The following PDE4DIP variants were observed in gnomAD, a reference collection of about 807,000 sequenced individuals.
PDE4DIP encodes the protein phosphodiesterase 4D interacting protein.
PDE4DIP carries 59 observed loss-of-function variants against 221.4 expected under a neutral mutation model. The ratio of observed to expected loss-of-function variants is 0.27; its 90% CI spans 0.22 to 0.33. PDE4DIP has a LOEUF of 0.33. PDE4DIP is among the 10% of genes least tolerant of loss of function. PDE4DIP has a pLI of 1.00. For synonymous variants in PDE4DIP, 404 were observed against 815.9 expected (o/e 0.50, Z 8.60); for missense variants, 1,036 against 2,154.2 (o/e 0.48, Z 10.28).
Position 149,029,774 on chromosome 1 carries a change from T to A in PDE4DIP, c.6814-13T>A, listed in dbSNP as rs1575688261. 57 of 1,303,108 alleles carry A rather than the reference T, an allele frequency of 4.4e-5. No individual in the cohort carries two copies. In the East Asian group the frequency reaches 1.3e-3, roughly 30 times the overall value. The allele number at this position is 1,303,108 out of a possible 1,614,324, so 80.7% of individuals were successfully genotyped here. On this transcript the variant is annotated splice_polypyrimidine_tract_variant and intron_variant, in intron 41 of 43. Transcript: ENST00000369354. ...TTCTGCCTGGTCAGTAAGAGTCTGT[T>A]CCTCTTATCCAGGGAGAATCAACAG...
At chr1:148,937,312 G>A (rs1452214507) in intron 4 of PDE4DIP, among the ~76,000 whole-genome samples, 2 of 152,186 alleles carry the variant, frequency 1.3e-5, no homozygotes, top group African/African-American at 4.8e-5. Context: ...ACACATGCTG[G>A]TGGAATTTAA....
At chr1:149,000,277 G>C (rs2065298569) in intron 23 of PDE4DIP, among the ~76,000 whole-genome samples, 1 of 152,186 alleles carries the variant, frequency 6.6e-6, no homozygotes, top group Admixed American at 6.5e-5. Flanking sequence ...CCTGTGGACT[G>C]GGCATGGTGG....
At chr1:148,876,939 A>G (rs1691655524) in intron 3 of PDE4DIP, among the ~76,000 whole-genome samples, 1 of 139,982 alleles carries the variant, frequency 7.1e-6, no homozygotes, top group Non-Finnish European at 1.5e-5. Context: ...GCTTGAACCC[A>G]GGAGGCAGAG....
intron 10 of PDE4DIP, 90 bp from the exon 14 acceptor site, chr1:148,966,453 G>GTT: frequency 5.4e-5 from 28 of 521,702 alleles, no homozygotes; most frequent in South Asian, 6.8e-5. Context: ...ATCACATCTT[G>GTT]TTTTTTTTTT....
chr1:148,968,698 A>G, intron 13 of PDE4DIP, 138 bp from the exon 17 acceptor site: 1 of 617,600 alleles, frequency 1.6e-6, no homozygotes, highest in Non-Finnish European at 2.8e-6. Context: ...ATCTGGTAAA[A>G]CAAAAATGAG....
At chr1:149,025,453 C>G (rs2074876393) in intron 38 of PDE4DIP, among the ~76,000 whole-genome samples, 1 of 152,102 alleles carries the variant, frequency 6.6e-6, no homozygotes, top group African/African-American at 2.4e-5. Flanking sequence ...CTTTCTCTAC[C>G]CCACCCCTTG....
At chr1:148,930,427 G>C in intron 2 of PDE4DIP, 1 of 150,348 alleles carries the variant, frequency 6.7e-6, no homozygotes, top group Non-Finnish European at 1.5e-5. Flanking sequence ...TGAGGCAGGA[G>C]AATGGCGTGA....
intron 32 of PDE4DIP, 152 bp downstream of exon 35, chr1:149,012,928 G>C: frequency 5.6e-6 from 3 of 537,096 alleles, no homozygotes; most frequent in Non-Finnish European, 9.8e-6. Context: ...TTATTTTTTG[G>C]AAATGTATTT....
intron 12 of PDE4DIP, among the ~76,000 whole-genome samples, chr1:148,967,395 A>G (rs1479291244): frequency 1.3e-5 from 2 of 150,886 alleles, no homozygotes; most frequent in African/African-American, 4.8e-5. Flanking sequence ...ACACTTGTTT[A>G]TCTATATTTA....
chr1:148,907,066 A>C (rs2477085), intron 1 of PDE4DIP, among the ~76,000 whole-genome samples: 14 of 151,342 alleles, frequency 9.3e-5, no homozygotes, highest in Non-Finnish European at 1.3e-4. Flanking sequence ...ACCAAAAAAA[A>C]CAAAAAAACA....
chr1:148,963,143 T>C (rs1621315), intron 9 of PDE4DIP, among the ~76,000 whole-genome samples: 13 of 152,240 alleles, frequency 8.5e-5, no homozygotes, highest in South Asian at 2.1e-4. Flanking sequence ...CTGCCCACCT[T>C]GGCCTCCCTC....
intron 32 of PDE4DIP, among the ~76,000 whole-genome samples, chr1:149,014,028 T>C (rs1157465603): frequency 2.6e-5 from 4 of 152,080 alleles, no homozygotes; most frequent in African/African-American, 7.2e-5. Flanking sequence ...GCTCAAGTGA[T>C]TGGCCCACCT....
At chr1:148,953,167 C>A in intron 5 of PDE4DIP, 2 of 1,614,034 alleles carry the variant, frequency 1.2e-6, no homozygotes, top group Non-Finnish European at 1.7e-6. Context: ...CTGCACTGCT[C>A]CAGGAGGACT....
rs1227053940 is a variant in PDE4DIP, at chr1:148,902,806, T to C, written c.141+12912T>C. 9.9e-5 allele frequency among the ~76,000 whole-genome samples: 11 copies of C among 110,784 alleles called. 2 individuals carry two copies. The highest frequency in any genetic ancestry group is 5.7e-4 in the Admixed American group (6 of 10,582). 72.7% of individuals were successfully genotyped at this position (110,784 alleles called of 152,430 possible). A position where few individuals can be genotyped will look rare whatever the true frequency, so the allele number is the denominator to read the frequency against. On this transcript the variant is annotated intron_variant, in intron 1 of 43. Transcript: ENST00000369354. The stretch of plus-strand genomic sequence containing the variant: ...CACAGTTTCTTTATCCACTCATTGA[T>C]TGGTGGGCACTTGGGTTGGTTCCAC...
rs1178036027 is a variant in PDE4DIP at position 148,961,375 on chromosome 1, T to G, written c.769-462T>G. ...AGATAGGAGGTCTGTGTTTTTTATT[T>G]TAGCTTAACTTGTTACTACTTTCTA... is the stretch of plus-strand genomic sequence containing the variant. On this transcript the variant is annotated intron_variant, in intron 6 of 43. Transcript: ENST00000369354. Among the ~76,000 whole-genome samples the G allele has an allele frequency of 3.7e-4, 56 of 152,184 alleles. 1 individual carries two copies. The highest frequency in any genetic ancestry group is 6.6e-4 in the Non-Finnish European group (45 of 68,022).
chr1:148,864,316 T>C (rs1333050731), intron 2 of PDE4DIP, among the ~76,000 whole-genome samples: 2 of 136,672 alleles, frequency 1.5e-5, no homozygotes, highest in African/African-American at 3.0e-5. Context: ...ATAGGTGAGA[T>C]TGAGAAAAGC....
chr1:149,017,890 C>T lies in PDE4DIP; in HGVS notation c.5650+11C>T. 1 of 1,576,032 alleles carries T rather than the reference C, an allele frequency of 6.3e-7. No homozygotes were observed. Among genetic ancestry groups the T allele is most frequent in the Middle Eastern group, 1.7e-4 (1 of 5,922 alleles). On this transcript the variant is annotated intron_variant, in intron 34 of 43. Coordinates refer to ENST00000369354, the Ensembl canonical transcript of PDE4DIP. ...CTGCTCGTGGAAGGGGTAGGAGAGG[C>T]CCAGACCTTCCTGTTTCTGGCTCTA...
chr1:148,823,505 C>G (rs1553362847), intron 1 of PDE4DIP, among the ~76,000 whole-genome samples: 1 of 150,356 alleles, frequency 6.7e-6, no homozygotes, highest in African/African-American at 2.5e-5. Context: ...GGGATTTTGT[C>G]CACTGTACGC....
At chr1:149,000,265 C>T (rs1412030940) in intron 23 of PDE4DIP, among the ~76,000 whole-genome samples, 1 of 152,144 alleles carries the variant, frequency 6.6e-6, no homozygotes, top group African/African-American at 2.4e-5. Flanking sequence ...GCTTAAGAAT[C>T]ACCTGTGGAC....
Sources: allele counts gnomAD v4.1 joint callset (sites outside exome capture counted in the v4.1 genomes callset), GRCh38; gene constraint gnomAD v4.1.1; transcripts MANE v1.5; gene names NCBI Gene and HGNC (gene_info 2026-07-23, HGNC 2026-07-21).